The following SEPHS1 variants were observed in gnomAD, a reference collection of about 807,000 sequenced individuals.
SEPHS1 encodes zincore component SEPHS1.
In SEPHS1, 7 loss-of-function variants were observed where a neutral mutation model predicts 39.2. The ratio of observed to expected loss-of-function variants is 0.18; its 90% CI spans 0.10 to 0.34. The LOEUF is 0.34. Ranked by LOEUF, SEPHS1 falls within the 10% of genes least tolerant of loss-of-function variation. SEPHS1 has a pLI of 1.00. For synonymous variants in SEPHS1, 190 were observed against 195.5 expected (o/e 0.97, Z 0.23); for missense variants, 253 against 514.5 (o/e 0.49, Z 4.92).
intron 7 of SEPHS1, 108 bp from the exon 8 acceptor site, chr10:13,323,155 T>G (rs1429494905): frequency 8.0e-6 from 7 of 879,206 alleles, no homozygotes; most frequent in Non-Finnish European, 1.3e-5. Context: ...AGATGACGTA[T>G]CGGAATAATG....
intron 8 of SEPHS1, among the ~76,000 whole-genome samples, chr10:13,322,521 T>A (rs549977047): frequency 3.9e-5 from 6 of 152,296 alleles, no homozygotes; most frequent in African/African-American, 1.4e-4. Context: ...CAAAGTAACC[T>A]AGGGGTATTA....
intron 8 of SEPHS1, 80 bp downstream of exon 8, chr10:13,322,755 C>T (rs1033316708): frequency 3.1e-5 from 42 of 1,361,662 alleles, no homozygotes; most frequent in East Asian, 2.9e-4. Flanking sequence ...GGGGCCCACT[C>T]GGGGTGGGGC....
At chr10:13,342,224 G>C (rs1463454303) in intron 2 of SEPHS1, among the ~76,000 whole-genome samples, 3 of 150,496 alleles carry the variant, frequency 2.0e-5, no homozygotes, top group Non-Finnish European at 2.9e-5. Flanking sequence ...CGGAGATCGC[G>C]CCACTGCACT....
Position 13,333,944 on chromosome 10 carries a change from T to C in SEPHS1, c.433A>G (p.Ile145Val), listed in dbSNP as rs182887196. 1.7e-4 allele frequency: 276 copies of C among 1,613,678 alleles called. No homozygotes were observed. In the East Asian group the frequency reaches 6.0e-3, roughly 35 times the overall value. ...RERDKVMPLI[I>V]QGFKDAAEEA... The stretch of plus-strand genomic sequence containing the variant: ...TCAGCTGCGTCTTTAAAACCTTGGA[T>C]AATCAGAGGCATCACTTTATCCCTT... Residue 145 changes from isoleucine (I) to valine (V), a missense_variant, in exon 5 of 9, where the codon ATC becomes GTC. Transcript: ENST00000327347.
At position 13,348,279 on chromosome 10, in the gene SEPHS1, T is replaced by G; in HGVS notation, c.-358A>C. The G allele has an allele frequency of 6.8e-6, 1 of 146,068 alleles. No homozygotes were observed. The highest frequency in any genetic ancestry group is 2.1e-4 in the East Asian group (1 of 4,724). 9.0% of individuals were successfully genotyped at this position (146,068 alleles called of 1,614,324 possible). ...CCCTTTAAGAGGCGGCCCTGGCTGCTGGGTGGCGGCGTGCGGCCCGGGAAG... is the reference window on the plus strand; with the variant it reads ...CCCTTTAAGAGGCGGCCCTGGCTGCGGGGTGGCGGCGTGCGGCCCGGGAAG... On this transcript the variant is annotated 5_prime_UTR_variant, in exon 1 of 9. Transcript: ENST00000327347.
At chr10:13,346,076 A>G (rs1833914602) in intron 1 of SEPHS1, among the ~76,000 whole-genome samples, 1 of 152,246 alleles carries the variant, frequency 6.6e-6, no homozygotes, top group Admixed American at 6.5e-5. Flanking sequence ...TAGTACACAC[A>G]TCATTGACAA....
chr10:13,328,331 G>A lies in SEPHS1; in HGVS notation c.751+20C>T, dbSNP rs777072684. ...TGTCTTGGACCCCTGGGACCGAAGC[G>A]CCCTTCCCACCTGTCATACCTGTCC... is the stretch of plus-strand genomic sequence containing the variant. On this transcript the variant is annotated intron_variant, in intron 7 of 8. Transcript: ENST00000327347. 10 of 1,533,242 alleles carry A rather than the reference G, an allele frequency of 6.5e-6. No homozygotes were observed. Among genetic ancestry groups the A allele is most frequent in the South Asian group, 2.3e-5 (2 of 88,684 alleles). The allele number at this position is 1,533,242 out of a possible 1,614,324, so 95.0% of individuals were successfully genotyped here.
At chr10:13,345,565 C>CG (rs1833896850) in intron 1 of SEPHS1, 1 of 152,228 alleles carries the variant, frequency 6.6e-6, no homozygotes, top group Non-Finnish European at 1.5e-5. Flanking sequence ...TAGAAAAACA[C>CG]GTTTTCCCTC....
chr10:13,333,531 C>T (rs1472115474), intron 5 of SEPHS1, among the ~76,000 whole-genome samples: 1 of 152,034 alleles, frequency 6.6e-6, no homozygotes, highest in Admixed American at 6.5e-5. Context: ...ACCTCCACCC[C>T]TGGGGTTCAA....
At position 13,318,819 on chromosome 10, in the gene SEPHS1, T is replaced by A; in HGVS notation, c.*323A>T. ...TGCTATTTGACACGACTACGGGTAA[T>A]GCCTGTGCTATGTGAAAGCACCTTT... On this transcript the variant is annotated 3_prime_UTR_variant, in exon 9 of 9. Transcript: ENST00000327347. 1 of 302,802 alleles carries A rather than the reference T, an allele frequency of 3.3e-6. No homozygotes were observed. Among genetic ancestry groups the A allele is most frequent in the Non-Finnish European group, 6.1e-6 (1 of 164,920 alleles). The allele number at this position is 302,802 out of a possible 1,614,324, so 18.8% of individuals were successfully genotyped here. A position where few individuals can be genotyped will look rare whatever the true frequency, so the allele number is the denominator to read the frequency against.
At chr10:13,334,016 C>A (rs892533489) in intron 4 of SEPHS1, 45 bp from the exon 5 acceptor site, 10 of 1,531,742 alleles carry the variant, frequency 6.5e-6, no homozygotes, top group African/African-American at 1.4e-5. Flanking sequence ...GAATTCTGTT[C>A]AAAACCCAGA....
intron 4 of SEPHS1, among the ~76,000 whole-genome samples, chr10:13,335,579 G>T (rs944449399): frequency 6.6e-6 from 1 of 151,860 alleles, no homozygotes; most frequent in Non-Finnish European, 1.5e-5. Context: ...CAGGAGAATC[G>T]CTTGAACCTG....
chr10:13,329,448 C>T (rs1833403698), intron 6 of SEPHS1, among the ~76,000 whole-genome samples: 1 of 152,150 alleles, frequency 6.6e-6, no homozygotes, highest in African/African-American at 2.4e-5. Flanking sequence ...AAGCTAACCC[C>T]CTGCCGAGCA....
chr10:13,321,420 G>C (rs180755472), intron 8 of SEPHS1, among the ~76,000 whole-genome samples: 15 of 152,142 alleles, frequency 9.9e-5, no homozygotes, highest in African/African-American at 1.4e-4. Context: ...GCTAATTTTT[G>C]TATTTTTAGT....
Position 13,333,804 on chromosome 10 carries a change from A to G in SEPHS1, c.560+13T>C. 3 of 1,611,652 alleles carry G rather than the reference A, an allele frequency of 1.9e-6. 1 individual carries two copies. In the South Asian group the frequency reaches 3.3e-5, roughly 18 times the overall value. Reference sequence around the variant, plus strand: ...AAAACAGGTCAGGTGATATGAAACAAAAATCAACTTACATGATAAATTCAT... The same window carrying G: ...AAAACAGGTCAGGTGATATGAAACAGAAATCAACTTACATGATAAATTCAT... On this transcript the variant is annotated intron_variant, in intron 5 of 8. Transcript: ENST00000327347.
At chr10:13,341,324 C>T (rs1218860272) in intron 2 of SEPHS1, among the ~76,000 whole-genome samples, 3 of 150,352 alleles carry the variant, frequency 2.0e-5, no homozygotes, top group African/African-American at 7.3e-5. Context: ...AAATACTAGA[C>T]AGAACAGTTT....
At position 13,318,359 on chromosome 10, in the gene SEPHS1, T is replaced by C. The variant is rs1396045313; in HGVS notation, c.*783A>G. ...ATTATTTGTGTAATTATATATTGAA[T>C]TGTAAATGAGTATTATACATGAACC... On this transcript the variant is annotated 3_prime_UTR_variant, in exon 9 of 9. Coordinates refer to ENST00000327347, the MANE Select transcript of SEPHS1 (RefSeq NM_012247.5). 2 of 152,642 alleles carry C rather than the reference T, an allele frequency of 1.3e-5. No individual in the cohort carries two copies. The highest frequency in any genetic ancestry group is 2.1e-4 in the South Asian group (1 of 4,832). The allele number at this position is 152,642 out of a possible 1,614,324, so 9.5% of individuals were successfully genotyped here.
intron 7 of SEPHS1, among the ~76,000 whole-genome samples, chr10:13,323,424 G>C (rs954592357): frequency 1.3e-5 from 2 of 151,810 alleles, no homozygotes; most frequent in Admixed American, 6.6e-5. Context: ...GTACGATCTC[G>C]GCTCACTGCA....
chr10:13,334,164 G>A (rs1445964953), intron 4 of SEPHS1, among the ~76,000 whole-genome samples, 193 bp from the exon 5 acceptor site: 1 of 152,190 alleles, frequency 6.6e-6, no homozygotes, highest in Non-Finnish European at 1.5e-5. Flanking sequence ...TTGGGAGTCC[G>A]AGGTGGGCAG....
Sources: allele counts gnomAD v4.1 joint callset (sites outside exome capture counted in the v4.1 genomes callset), GRCh38; gene constraint gnomAD v4.1.1; transcripts MANE v1.5; gene names NCBI Gene and HGNC (gene_info 2026-07-23, HGNC 2026-07-21).